Variants in NEDD4L observed in about 807,000 individuals in gnomAD.
The protein encoded by NEDD4L is NEDD4 like E3 ubiquitin protein ligase.
Under a neutral mutation model 148.9 loss-of-function variants are expected in NEDD4L, and 54 were observed. The observed-to-expected ratio is 0.36, with a 90% CI of 0.29 to 0.45. The LOEUF (loss-of-function observed/expected upper bound fraction) is 0.45, where lower values mean the gene tolerates loss of function less well. Ranked by LOEUF, NEDD4L falls within the 20% of genes least tolerant of loss-of-function variation. The pLI is 1.00. For missense variants in NEDD4L, 856 were observed against 1,233.8 expected (o/e 0.69, Z 4.59); for synonymous variants, 433 against 440.7 (o/e 0.98, Z 0.22).
chr18:58,315,076 A>G (rs1488994452), intron 5 of NEDD4L, among the ~76,000 whole-genome samples: 1 of 152,208 alleles, frequency 6.6e-6, no homozygotes, highest in Non-Finnish European at 1.5e-5. Flanking sequence ...GTCTCATCAT[A>G]TCTAAAGAAC....
At chr18:58,073,935 G>A (rs974673791) in intron 1 of NEDD4L, among the ~76,000 whole-genome samples, 1 of 152,200 alleles carries the variant, frequency 6.6e-6, no homozygotes, top group East Asian at 1.9e-4. Flanking sequence ...GTAAAGCGGT[G>A]CATTAAGCTG....
In NEDD4L at chr18:58,387,442, T is replaced by C; in HGVS notation, c.2491T>C (p.Phe831Leu). ...QKQMNAFLEG[F>L]TELLPIDLIK... ...ATGTTTTTTTTTTTTCTTTCAGGGA[T>C]TCACAGAACTACTTCCTATTGATTT... The change falls in exon 27 of 31, where the codon TTC becomes CTC. Residue 831 changes from phenylalanine (F) to leucine (L), a missense_variant. Around this residue, in one of 4 missense-constraint regions of NEDD4L, gnomAD observed 286 missense variants for 531.8 expected, o/e 0.54. Coordinates refer to ENST00000400345, the MANE Select transcript of NEDD4L (RefSeq NM_001144967.3). The C allele has an allele frequency of 6.5e-7, 1 of 1,547,138 alleles. No individual in the cohort carries two copies. Among genetic ancestry groups the C allele is most frequent in the Non-Finnish European group, 8.7e-7 (1 of 1,151,568 alleles).
intron 2 of NEDD4L, among the ~76,000 whole-genome samples, chr18:58,226,103 T>A (rs914223977): frequency 1.3e-5 from 2 of 152,170 alleles, no homozygotes; most frequent in African/African-American, 4.8e-5. Flanking sequence ...AAGTGGCCAT[T>A]GATCTTGGAG....
chr18:58,092,178 C>T (rs573412854), intron 1 of NEDD4L, among the ~76,000 whole-genome samples: 1 of 152,366 alleles, frequency 6.6e-6, no homozygotes, highest in African/African-American at 2.4e-5. Flanking sequence ...CCAGCATCCT[C>T]CCTTCGGGGG....
At chr18:58,273,411 C>G (rs2051370364) in intron 5 of NEDD4L, among the ~76,000 whole-genome samples, 1 of 152,330 alleles carries the variant, frequency 6.6e-6, no homozygotes, top group African/African-American at 2.4e-5. Context: ...CTCTCTCTCT[C>G]TCGTTGTTAC....
At chr18:58,395,562 T>A (rs2050384903) in intron 30 of NEDD4L, among the ~76,000 whole-genome samples, 1 of 152,128 alleles carries the variant, frequency 6.6e-6, no homozygotes, top group Non-Finnish European at 1.5e-5. Context: ...ATGTCAATTT[T>A]GCCTGACTTT....
chr18:58,282,741 T>G (rs2053331797), intron 5 of NEDD4L, among the ~76,000 whole-genome samples: 2 of 152,236 alleles, frequency 1.3e-5, no homozygotes, highest in South Asian at 4.1e-4. Flanking sequence ...TGAAATGGAC[T>G]TCCCTTCCCT....
intron 5 of NEDD4L, among the ~76,000 whole-genome samples, chr18:58,315,442 G>A (rs2058154160): frequency 6.6e-6 from 1 of 151,682 alleles, no homozygotes; most frequent in Non-Finnish European, 1.5e-5. Context: ...CATATACGTG[G>A]ACTCTGAAGC....
intron 1 of NEDD4L, among the ~76,000 whole-genome samples, chr18:58,109,575 T>TG (rs1568228480): frequency 1.4e-5 from 2 of 146,810 alleles, no homozygotes; most frequent in African/African-American, 2.5e-5. Context: ...TTTTTTTGTT[T>TG]TTTTTTTTTT....
chr18:58,068,239 GCCC>G, intron 1 of NEDD4L, among the ~76,000 whole-genome samples: 1 of 117,036 alleles, frequency 8.5e-6, no homozygotes, highest in Non-Finnish European at 1.7e-5. Context: ...TCGCTCTGTT[GCCC>G]AGGCTGGAGT....
At chr18:58,161,435 C>CTTT (rs55873387) in intron 1 of NEDD4L, among the ~76,000 whole-genome samples, 10 of 140,284 alleles carry the variant, frequency 7.1e-5, no homozygotes, top group African/African-American at 2.3e-4. Context: ...TTTTCTTTTT[C>CTTT]TTTTTTTTTT....
intron 5 of NEDD4L, among the ~76,000 whole-genome samples, chr18:58,278,264 C>G (rs1177399882): frequency 6.6e-6 from 1 of 152,126 alleles, no homozygotes; most frequent in Non-Finnish European, 1.5e-5. Flanking sequence ...GGGGTCTGAC[C>G]CTTCAGCATG....
intron 1 of NEDD4L, among the ~76,000 whole-genome samples, chr18:58,141,799 T>C (rs1405487758): frequency 6.6e-6 from 1 of 152,182 alleles, no homozygotes; most frequent in Non-Finnish European, 1.5e-5. Context: ...ATTTCTACAT[T>C]TCAAGTTAAA....
At chr18:58,386,886 T>C (rs2049101336) in intron 26 of NEDD4L, among the ~76,000 whole-genome samples, 1 of 152,238 alleles carries the variant, frequency 6.6e-6, no homozygotes, top group South Asian at 2.1e-4. Flanking sequence ...AGCAGATTCC[T>C]GGGCCCCACC....
chr18:58,353,878 ATCTTG>A (rs2044246737), intron 18 of NEDD4L, among the ~76,000 whole-genome samples: 1 of 152,206 alleles, frequency 6.6e-6, no homozygotes, highest in African/African-American at 2.4e-5. Flanking sequence ...GCTTAGAGTC[ATCTTG>A]TCTTCCAGCA....
chr18:58,054,645 C>T (rs545726862), intron 1 of NEDD4L: 2 of 153,624 alleles, frequency 1.3e-5, no homozygotes, highest in African/African-American at 4.8e-5. Flanking sequence ...TTGTATTCTC[C>T]TCCTTGCTCT....
intron 5 of NEDD4L, among the ~76,000 whole-genome samples, chr18:58,304,387 G>A (rs1319326318): frequency 2.0e-5 from 3 of 151,660 alleles, no homozygotes; most frequent in Admixed American, 6.6e-5. Context: ...GGTAGTACAT[G>A]CCTGTAGTCT....
intron 13 of NEDD4L, 57 bp downstream of exon 13, chr18:58,335,594 T>G: frequency 7.8e-7 from 1 of 1,276,800 alleles, no homozygotes; most frequent in African/African-American, 1.5e-5. Flanking sequence ...AGTTTTAATA[T>G]TTCGTGTAGT....
chr18:58,311,013 CCTT>C (rs1342599851), intron 5 of NEDD4L, among the ~76,000 whole-genome samples: 14 of 150,726 alleles, frequency 9.3e-5, no homozygotes, highest in Non-Finnish European at 1.9e-4. Flanking sequence ...AAACTCTAAA[CCTT>C]TTTTTTTTTG....
Sources: gnomAD v4.1 joint callset for allele counts (sites outside exome capture counted in the v4.1 genomes callset) on GRCh38, gnomAD v4.1.1 for gene constraint, gnomAD v4.1.1 regional missense constraint, MANE v1.5 for transcripts, NCBI Gene and HGNC (gene_info 2026-07-23, HGNC 2026-07-21) for gene names.